Variants in PTPRT observed in about 807,000 individuals in gnomAD.
PTPRT encodes the protein receptor-type tyrosine-protein phosphatase T.
In PTPRT, 56 loss-of-function variants were observed where a neutral mutation model predicts 176.8. The observed-to-expected ratio is 0.32, with a 90% CI of 0.26 to 0.40. PTPRT has a LOEUF of 0.40. PTPRT is among the 10% of genes least tolerant of loss of function. The pLI is 1.00. For synonymous variants in PTPRT, 783 were observed against 739.0 expected (o/e 1.06, Z -0.96); for missense variants, 1,540 against 1,908.2 (o/e 0.81, Z 3.60).
intron 11 of PTPRT, among the ~76,000 whole-genome samples, chr20:42,340,946 T>C (rs2058102522): frequency 6.6e-6 from 1 of 152,152 alleles, no homozygotes; most frequent in African/African-American, 2.4e-5. Flanking sequence ...GGGTTTGTAT[T>C]ATAAGAACTA....
At chr20:42,618,220 G>A (rs1469720249) in intron 7 of PTPRT, among the ~76,000 whole-genome samples, 2 of 126,732 alleles carry the variant, frequency 1.6e-5, no homozygotes, top group Non-Finnish European at 3.3e-5. Context: ...TTCAGGAGCA[G>A]GTTGTTCAGT....
intron 5 of PTPRT, among the ~76,000 whole-genome samples, chr20:42,768,357 A>G (rs1481744460): frequency 6.6e-6 from 1 of 152,082 alleles, no homozygotes; most frequent in Admixed American, 6.6e-5. Context: ...CACAGCCATC[A>G]TGATGTGAAA....
chr20:42,741,297 G>T (rs1443430090), intron 6 of PTPRT, among the ~76,000 whole-genome samples: 1 of 152,176 alleles, frequency 6.6e-6, no homozygotes, highest in Non-Finnish European at 1.5e-5. Flanking sequence ...CCTGGCATGA[G>T]CCCTTTTGTG....
intron 1 of PTPRT, among the ~76,000 whole-genome samples, chr20:42,893,137 G>C (rs2079224506): frequency 6.6e-6 from 1 of 152,038 alleles, no homozygotes; most frequent in South Asian, 2.1e-4. Flanking sequence ...CTAATATCCA[G>C]AATCTACAAT....
chr20:42,679,906 T>C (rs6030407), intron 6 of PTPRT, among the ~76,000 whole-genome samples: 23,852 of 152,154 alleles, frequency 0.16, 2,970 homozygotes, highest in African/African-American at 0.34. Context: ...TCATGTTTTC[T>C]TAGAACCAAC....
chr20:42,856,803 T>C (rs1180599777), intron 2 of PTPRT, among the ~76,000 whole-genome samples: 1 of 152,044 alleles, frequency 6.6e-6, no homozygotes, highest in Non-Finnish European at 1.5e-5. Context: ...AGCTATAGCT[T>C]AGACCCCAAC....
At chr20:42,801,848 G>A (rs542567792) in intron 2 of PTPRT, among the ~76,000 whole-genome samples, 1 of 152,302 alleles carries the variant, frequency 6.6e-6, no homozygotes, top group East Asian at 1.9e-4. Context: ...TTTCTGCCTT[G>A]TGGGGGGGCT....
intron 1 of PTPRT, among the ~76,000 whole-genome samples, chr20:43,099,288 G>C (rs566234187): frequency 1.4e-4 from 21 of 152,256 alleles, no homozygotes; most frequent in African/African-American, 5.1e-4. Flanking sequence ...CATCTGCTTT[G>C]AATGTCACAG....
At chr20:43,117,344 C>T (rs1158369772) in intron 1 of PTPRT, among the ~76,000 whole-genome samples, 1 of 152,188 alleles carries the variant, frequency 6.6e-6, no homozygotes, top group Non-Finnish European at 1.5e-5. Flanking sequence ...TTACACACTT[C>T]TAGAGTTTGT....
At chr20:43,068,466 C>T (rs957780244) in intron 1 of PTPRT, among the ~76,000 whole-genome samples, 1 of 145,596 alleles carries the variant, frequency 6.9e-6, no homozygotes, top group Non-Finnish European at 1.5e-5. Flanking sequence ...GACCGCGCCA[C>T]TGCACTCCAG....
chr20:42,822,814 C>G (rs578042681), intron 2 of PTPRT, among the ~76,000 whole-genome samples: 39 of 152,088 alleles, frequency 2.6e-4, no homozygotes, highest in Non-Finnish European at 5.0e-4. Flanking sequence ...CACTGATCAT[C>G]AAAGAAATGC....
chr20:42,470,118 G>A (rs1204312558), intron 8 of PTPRT, among the ~76,000 whole-genome samples: 1 of 152,164 alleles, frequency 6.6e-6, no homozygotes. Context: ...GAGTCAAGCC[G>A]GGTATTTTCT....
intron 7 of PTPRT, among the ~76,000 whole-genome samples, chr20:42,659,847 C>A (rs1448906402): frequency 6.6e-6 from 1 of 152,168 alleles, no homozygotes; most frequent in Non-Finnish European, 1.5e-5. Context: ...TCCTCCATCC[C>A]ATCGCCACCA....
intron 7 of PTPRT, among the ~76,000 whole-genome samples, chr20:42,582,836 G>A (rs753261666): frequency 6.6e-6 from 1 of 152,130 alleles, no homozygotes; most frequent in Non-Finnish European, 1.5e-5. Flanking sequence ...TTGAGCTACA[G>A]ATTTGAGCCC....
At chr20:42,465,842 C>T (rs753077442) in intron 8 of PTPRT, among the ~76,000 whole-genome samples, 6 of 152,100 alleles carry the variant, frequency 3.9e-5, no homozygotes, top group Non-Finnish European at 8.8e-5. Context: ...TAAATGCATG[C>T]CATGGTAGTT....
intron 6 of PTPRT, among the ~76,000 whole-genome samples, chr20:42,739,393 G>A (rs994201514): frequency 1.3e-5 from 2 of 152,198 alleles, no homozygotes; most frequent in Non-Finnish European, 2.9e-5. Flanking sequence ...AGGAGGAAGA[G>A]GAACTGTTTT....
intron 4 of PTPRT, among the ~76,000 whole-genome samples, chr20:42,774,880 G>A (rs1287428652): frequency 6.6e-6 from 1 of 152,128 alleles, no homozygotes; most frequent in Non-Finnish European, 1.5e-5. Context: ...TGGGGGGCCT[G>A]TATGGTCCTC....
chr20:42,142,769 TTC>T (rs1331023547), intron 17 of PTPRT, among the ~76,000 whole-genome samples: 1 of 152,154 alleles, frequency 6.6e-6, no homozygotes, highest in South Asian at 2.1e-4. Flanking sequence ...AATGCAGTCT[TTC>T]TCTCTCTCTC....
intron 1 of PTPRT, among the ~76,000 whole-genome samples, chr20:43,131,064 A>G (rs2013632984): frequency 6.6e-6 from 1 of 152,236 alleles, no homozygotes; most frequent in Admixed American, 6.5e-5. Context: ...ACACATTAAC[A>G]GTAGCAATTC....
Sources: allele counts gnomAD v4.1 joint callset (sites outside exome capture counted in the v4.1 genomes callset), GRCh38; gene constraint gnomAD v4.1.1; transcripts MANE v1.5; gene names NCBI Gene and HGNC (gene_info 2026-07-23, HGNC 2026-07-21).